Variants in CSMD1 observed in about 807,000 individuals in gnomAD.
CSMD1 encodes CUB and sushi domain-containing protein 1.
Under a neutral mutation model 417.5 loss-of-function variants are expected in CSMD1, and 213 were observed. That is an observed-to-expected ratio of 0.51 (90% CI 0.46 to 0.57). The LOEUF (loss-of-function observed/expected upper bound fraction) is 0.57. Among genes scored for constraint, CSMD1 ranks in the 20% least tolerant of loss-of-function variants. The pLI is 0.00. For missense variants in CSMD1, 6,923 were observed against 4,529.7 expected (o/e 1.53, Z -15.17); for synonymous variants, 2,862 against 1,736.8 (o/e 1.65, Z -16.11).
intron 7 of CSMD1, among the ~76,000 whole-genome samples, chr8:3,647,385 G>A (rs1797628804): frequency 6.6e-5 from 1 of 15,230 alleles, no homozygotes. Flanking sequence ...AGCATAGAAA[G>A]AAATATAAAG....
chr8:3,129,541 G>C (rs1359716368), intron 41 of CSMD1, among the ~76,000 whole-genome samples: 2 of 152,234 alleles, frequency 1.3e-5, no homozygotes, highest in African/African-American at 4.8e-5. Context: ...TTGGGAGGCC[G>C]AGGTGGGTGG....
chr8:3,394,487 A>G (rs1811564623), intron 17 of CSMD1, among the ~76,000 whole-genome samples: 2 of 152,060 alleles, frequency 1.3e-5, no homozygotes, highest in Admixed American at 1.3e-4. Flanking sequence ...AAGTAGAAAA[A>G]GCAAAGTCAT....
chr8:4,187,843 A>G (rs1306591454), intron 3 of CSMD1, among the ~76,000 whole-genome samples: 1 of 152,096 alleles, frequency 6.6e-6, no homozygotes, highest in Non-Finnish European at 1.5e-5. Context: ...TGCTGAGACT[A>G]TTTCATAGGC....
chr8:3,586,901 G>C (rs574143581), intron 8 of CSMD1, among the ~76,000 whole-genome samples: 7 of 152,282 alleles, frequency 4.6e-5, no homozygotes, highest in African/African-American at 1.4e-4. Context: ...CGGGGTTCAA[G>C]CTATTCTCCT....
At chr8:4,943,604 T>C (rs1423761546) in intron 1 of CSMD1, among the ~76,000 whole-genome samples, 1 of 152,142 alleles carries the variant, frequency 6.6e-6, no homozygotes, top group Non-Finnish European at 1.5e-5. Context: ...AAAATATATC[T>C]CATATATCAA....
chr8:3,857,981 G>T (rs971773976), intron 5 of CSMD1, among the ~76,000 whole-genome samples: 1 of 152,146 alleles, frequency 6.6e-6, no homozygotes, highest in Admixed American at 6.6e-5. Flanking sequence ...AAAATTGTTC[G>T]GCATGGTGCG....
chr8:4,994,705 C>A lies in CSMD1; in HGVS notation c.-289G>T. The A allele has an allele frequency of 2.7e-6, 1 of 371,720 alleles. No individual in the cohort carries two copies. Among genetic ancestry groups the A allele is most frequent in the South Asian group, 4.6e-5 (1 of 21,616 alleles). 23.0% of individuals were successfully genotyped at this position (371,720 alleles called of 1,614,324 possible). On this transcript the variant is annotated 5_prime_UTR_variant, in exon 1 of 70. Coordinates refer to ENST00000635120, the MANE Select transcript of CSMD1 (RefSeq NM_033225.6). The stretch of plus-strand genomic sequence containing the variant: ...CCGGCCGAGCCGGGCAGGAAGGCAC[C>A]AAGGCGGCGAGGCTGCGGGAGGGGG...
intron 3 of CSMD1, among the ~76,000 whole-genome samples, chr8:4,139,059 C>T (rs1272706505): frequency 2.0e-5 from 3 of 152,092 alleles, no homozygotes; most frequent in Non-Finnish European, 2.9e-5. Flanking sequence ...CTTGGGGCCA[C>T]CAAAAACAGA....
At chr8:4,577,719 C>G (rs960429642) in intron 2 of CSMD1, among the ~76,000 whole-genome samples, 1 of 152,210 alleles carries the variant, frequency 6.6e-6, no homozygotes, top group African/African-American at 2.4e-5. Flanking sequence ...TGCACCCTAA[C>G]ACAGTGTTTT....
At chr8:3,368,048 G>T (rs1026559950) in intron 19 of CSMD1, among the ~76,000 whole-genome samples, 1 of 152,126 alleles carries the variant, frequency 6.6e-6, no homozygotes, top group African/African-American at 2.4e-5. Flanking sequence ...AACTACAAAG[G>T]CTTATTTCTG....
chr8:4,799,218 G>C (rs1024727131), intron 1 of CSMD1, among the ~76,000 whole-genome samples: 2 of 152,160 alleles, frequency 1.3e-5, no homozygotes, highest in Non-Finnish European at 2.9e-5. Flanking sequence ...TTTGAAAACT[G>C]TAAGAGTGAA....
chr8:3,675,032 G>A (rs73183338), intron 7 of CSMD1, among the ~76,000 whole-genome samples: 19,869 of 152,170 alleles, frequency 0.13, 1,579 homozygotes, highest in South Asian at 0.21. Flanking sequence ...CAGGGATTTA[G>A]GTGGATGTAT....
intron 52 of CSMD1, among the ~76,000 whole-genome samples, chr8:3,001,098 G>A (rs1215480957): frequency 1.3e-5 from 2 of 151,898 alleles, no homozygotes; most frequent in Non-Finnish European, 2.9e-5. Flanking sequence ...TTTGGCCTCA[G>A]CCTCCTGAGG....
intron 3 of CSMD1, among the ~76,000 whole-genome samples, chr8:4,164,649 A>G (rs552195117): frequency 5.2e-4 from 79 of 152,298 alleles, no homozygotes; most frequent in African/African-American, 1.7e-3. Flanking sequence ...AGTCCCTCAC[A>G]CAAGACACGA....
chr8:3,740,720 G>A (rs543756353), intron 6 of CSMD1, among the ~76,000 whole-genome samples: 3 of 152,204 alleles, frequency 2.0e-5, no homozygotes, highest in South Asian at 4.1e-4. Flanking sequence ...CAAACGAAGA[G>A]TCTAAAAGAC....
intron 1 of CSMD1, among the ~76,000 whole-genome samples, chr8:4,948,729 A>T (rs1486195793): frequency 6.6e-6 from 1 of 152,108 alleles, no homozygotes; most frequent in Non-Finnish European, 1.5e-5. Context: ...AGGCATCTGT[A>T]CCATTTAAGA....
chr8:4,640,738 G>A (rs1194178707), intron 1 of CSMD1, among the ~76,000 whole-genome samples: 1 of 151,594 alleles, frequency 6.6e-6, no homozygotes, highest in Non-Finnish European at 1.5e-5. Flanking sequence ...TGAATCCCTT[G>A]TAAGTACCTT....
At chr8:4,641,445 A>C (rs1158012898) in intron 1 of CSMD1, among the ~76,000 whole-genome samples, 5 of 152,106 alleles carry the variant, frequency 3.3e-5, no homozygotes, top group Non-Finnish European at 1.5e-5. Context: ...AGTCATTTTT[A>C]AATTCTGTCT....
chr8:3,508,099 T>C (rs1038446533), intron 10 of CSMD1, among the ~76,000 whole-genome samples: 1 of 152,188 alleles, frequency 6.6e-6, no homozygotes, highest in Non-Finnish European at 1.5e-5. Flanking sequence ...ATGTCCTGAA[T>C]GGTATTGCCT....
Sources: allele counts gnomAD v4.1 joint callset (sites outside exome capture counted in the v4.1 genomes callset), GRCh38; gene constraint gnomAD v4.1.1; transcripts MANE v1.5; gene names NCBI Gene and HGNC (gene_info 2026-07-23, HGNC 2026-07-21).